HACD2: variants seen among roughly 807,000 people sequenced by gnomAD.
HACD2 encodes the protein 3-hydroxyacyl-CoA dehydratase 2, also known as very-long-chain (3R)-3-hydroxyacyl-CoA dehydratase 2.
In HACD2, 15 loss-of-function variants were observed where a neutral mutation model predicts 31.0. The ratio of observed to expected loss-of-function variants is 0.48; its 90% CI spans 0.32 to 0.75. The LOEUF is 0.75. Ranked by LOEUF, HACD2 falls within the 30% of genes least tolerant of loss-of-function variation. HACD2 has a pLI of 0.03. For synonymous variants in HACD2, 115 were observed against 122.2 expected (o/e 0.94, Z 0.39); for missense variants, 283 against 313.0 (o/e 0.90, Z 0.72).
chr3:123,566,211 A>G (rs944094308), intron 3 of HACD2, among the ~76,000 whole-genome samples: 12 of 152,174 alleles, frequency 7.9e-5, no homozygotes, highest in African/African-American at 2.9e-4. Flanking sequence ...ACATCATTTG[A>G]GGGGGTCCCT....
At chr3:123,569,464 C>T (rs193281953) in intron 2 of HACD2, among the ~76,000 whole-genome samples, 86 of 152,232 alleles carry the variant, frequency 5.6e-4, no homozygotes, top group African/African-American at 1.2e-3. Flanking sequence ...TGGACTCAAG[C>T]GATCCTCCCA....
At chr3:123,553,958 ATAT>A (rs2056646336) in intron 3 of HACD2, among the ~76,000 whole-genome samples, 1 of 149,484 alleles carries the variant, frequency 6.7e-6, no homozygotes, top group South Asian at 2.1e-4. Context: ...AGAATAATAT[ATAT>A]TATTATTTTA....
chr3:123,548,894 G>C (rs1325252054), intron 3 of HACD2, among the ~76,000 whole-genome samples: 1 of 151,436 alleles, frequency 6.6e-6, no homozygotes, highest in African/African-American at 2.4e-5. Context: ...CAAAGTGCTG[G>C]GGTTGCAGGC....
At chr3:123,496,138 C>T (rs2055829772) in intron 6 of HACD2, among the ~76,000 whole-genome samples, 2 of 152,186 alleles carry the variant, frequency 1.3e-5, no homozygotes, top group Non-Finnish European at 2.9e-5. Context: ...ATCCTCCCCA[C>T]TCAGCCTCCT....
intron 3 of HACD2, among the ~76,000 whole-genome samples, chr3:123,538,549 AC>A (rs2056452707): frequency 6.6e-6 from 1 of 152,322 alleles, no homozygotes; most frequent in South Asian, 2.1e-4. Context: ...CATTTAAGTG[AC>A]AAAACTAAGT....
intron 3 of HACD2, among the ~76,000 whole-genome samples, chr3:123,548,772 G>T (rs1268152770): frequency 6.6e-6 from 1 of 151,794 alleles, no homozygotes; most frequent in Non-Finnish European, 1.5e-5. Context: ...ACAGGTGTGT[G>T]TCACCATGCC....
intron 2 of HACD2, among the ~76,000 whole-genome samples, chr3:123,578,303 C>T (rs1321060510): frequency 6.6e-6 from 1 of 152,012 alleles, no homozygotes; most frequent in Non-Finnish European, 1.5e-5. Flanking sequence ...TGGGGTCTTG[C>T]TCTGTCACCC....
intron 3 of HACD2, among the ~76,000 whole-genome samples, chr3:123,537,445 G>A (rs971719565): frequency 6.6e-6 from 1 of 151,890 alleles, no homozygotes; most frequent in Admixed American, 6.6e-5. Flanking sequence ...GCATGTGTCC[G>A]TAATCCCAGC....
intron 2 of HACD2, among the ~76,000 whole-genome samples, chr3:123,569,402 C>T (rs1025317242): frequency 6.6e-6 from 1 of 152,180 alleles, no homozygotes; most frequent in Non-Finnish European, 1.5e-5. Context: ...TATTCTGTCA[C>T]CCAGGCAGAG....
At chr3:123,560,612 C>T (rs2056717806) in intron 3 of HACD2, among the ~76,000 whole-genome samples, 1 of 152,116 alleles carries the variant, frequency 6.6e-6, no homozygotes, top group South Asian at 2.1e-4. Context: ...GTTTGTTATC[C>T]ATATTTGTGA....
intron 3 of HACD2, among the ~76,000 whole-genome samples, chr3:123,540,121 C>G (rs556869957): frequency 2.0e-5 from 3 of 150,806 alleles, no homozygotes; most frequent in Non-Finnish European, 4.4e-5. Flanking sequence ...AGAAAAAAAT[C>G]CTGGTGCTTG....
chr3:123,492,879 T>C lies in HACD2; in HGVS notation c.*2009A>G, dbSNP rs1420244570. ...GAAGAATAAAATGAGAGAAAAGTCA[T>C]GCAAAAAATCTTTCCCACATATTTT... On this transcript the variant is annotated 3_prime_UTR_variant, in exon 7 of 7. Transcript: ENST00000383657. 2 of 152,280 alleles carry C rather than the reference T, an allele frequency of 1.3e-5. No homozygotes were observed. Among genetic ancestry groups the C allele is most frequent in the Non-Finnish European group, 2.9e-5 (2 of 68,010 alleles). 9.4% of individuals were successfully genotyped at this position (152,280 alleles called of 1,614,324 possible). A position where few individuals can be genotyped will look rare whatever the true frequency, so the allele number is the denominator to read the frequency against.
chr3:123,579,004 G>A (rs1242399207), intron 2 of HACD2, among the ~76,000 whole-genome samples: 2 of 152,190 alleles, frequency 1.3e-5, no homozygotes, highest in Non-Finnish European at 2.9e-5. Context: ...CCTTTGCAAC[G>A]TTAATTGCCT....
In HACD2 at chr3:123,575,622, T is replaced by C. The variant is rs74410453; in HGVS notation, c.273+6590A>G. On this transcript the variant is annotated intron_variant, in intron 2 of 6. Transcript: ENST00000383657. ...GCTAACTACTCTGATTAAAGTTAAATAATCTTTGGTAAGGTGCTTTCAAAG... is the reference window on the plus strand; with the variant it reads ...GCTAACTACTCTGATTAAAGTTAAACAATCTTTGGTAAGGTGCTTTCAAAG... Among the ~76,000 whole-genome samples, 565 of 152,344 alleles carry C rather than the reference T, an allele frequency of 3.7e-3. 3 individuals carry two copies. The highest frequency in any genetic ancestry group is 0.013 in the African/African-American group (540 of 41,574).
Position 123,582,341 on chromosome 3 carries a change from G to A in HACD2, c.156-12C>T. 2 of 1,523,288 alleles carry A rather than the reference G, an allele frequency of 1.3e-6. No individual in the cohort carries two copies. The highest frequency in any genetic ancestry group is 1.8e-6 in the Non-Finnish European group (2 of 1,128,160). The allele number at this position is 1,523,288 out of a possible 1,614,324, so 94.4% of individuals were successfully genotyped here. A position where few individuals can be genotyped will look rare whatever the true frequency, so the allele number is the denominator to read the frequency against. On this transcript the variant is annotated splice_polypyrimidine_tract_variant and intron_variant, in intron 1 of 6. Transcript: ENST00000383657. The stretch of plus-strand genomic sequence containing the variant: ...CTATAACCAGCCACCTAGTAAAAGA[G>A]AAAACAGCAATCAGGAAAAAATAAA...
intron 3 of HACD2, among the ~76,000 whole-genome samples, chr3:123,567,524 C>T (rs1559932370): frequency 1.3e-5 from 2 of 152,164 alleles, no homozygotes; most frequent in East Asian, 3.9e-4. Context: ...GGAGACACCT[C>T]TTTTAAATTA....
intron 4 of HACD2, among the ~76,000 whole-genome samples, chr3:123,505,375 T>C (rs1255362164): frequency 1.3e-5 from 2 of 152,202 alleles, no homozygotes; most frequent in Non-Finnish European, 1.5e-5. Context: ...TTTATGCAAC[T>C]GAACTATACA....
intron 2 of HACD2, among the ~76,000 whole-genome samples, chr3:123,572,662 T>G (rs377096280): frequency 6.6e-6 from 1 of 152,220 alleles, no homozygotes; most frequent in Non-Finnish European, 1.5e-5. Flanking sequence ...CTTTTCAAAG[T>G]TTCTAAAATT....
In HACD2 at chr3:123,500,522, G is replaced by A; in HGVS notation, c.675C>T (p.Tyr225=). 1 of 1,598,958 alleles carries A rather than the reference G, an allele frequency of 6.3e-7. No individual in the cohort carries two copies. The highest frequency in any genetic ancestry group is 8.6e-7 in the Non-Finnish European group (1 of 1,169,050). Residue 225 remains tyrosine, a synonymous_variant, in exon 6 of 7, where the codon TAC becomes TAT. Transcript: ENST00000383657. The part of the protein sequence containing the change: ...YAFLILIMIS[Y]IPIFPQLYFH... ...GCATAACTGTTTACTTACTTGGAAT[G>A]TAGGAGATCATTATTAGAATCAGGA...
Sources: allele counts gnomAD v4.1 joint callset (sites outside exome capture counted in the v4.1 genomes callset), GRCh38; gene constraint gnomAD v4.1.1; transcripts MANE v1.5; gene names NCBI Gene and HGNC (gene_info 2026-07-23, HGNC 2026-07-21).